STAC: variants seen among roughly 807,000 people sequenced by gnomAD.
The protein encoded by STAC is SH3 and cysteine-rich domain-containing protein.
STAC carries 43 observed loss-of-function variants against 48.8 expected under a neutral mutation model. The observed-to-expected ratio is 0.88, with a 90% CI of 0.69 to 1.14. STAC has a LOEUF of 1.14. STAC is among the 50% of genes most tolerant of loss of function. STAC has a pLI of 0.00. For synonymous variants in STAC, 193 were observed against 179.5 expected (o/e 1.07, Z -0.60); for missense variants, 497 against 504.0 (o/e 0.99, Z 0.13).
At chr3:36,475,285 G>A (rs1697462433) in intron 2 of STAC, among the ~76,000 whole-genome samples, 1 of 151,746 alleles carries the variant, frequency 6.6e-6, no homozygotes, top group Non-Finnish European at 1.5e-5. Flanking sequence ...ATTCTACTAT[G>A]GAGCATTGAC....
chr3:36,413,018 G>T (rs1033897728), intron 1 of STAC, among the ~76,000 whole-genome samples: 2 of 152,176 alleles, frequency 1.3e-5, no homozygotes. Context: ...GTTCTAGTTT[G>T]ATTGCACTGT....
At chr3:36,396,230 C>T (rs1458719766) in intron 1 of STAC, among the ~76,000 whole-genome samples, 1 of 151,990 alleles carries the variant, frequency 6.6e-6, no homozygotes, top group Non-Finnish European at 1.5e-5. Context: ...GTATACATGA[C>T]TTAGATATAC....
intron 1 of STAC, among the ~76,000 whole-genome samples, chr3:36,382,692 A>G (rs1356509435): frequency 1.3e-5 from 2 of 152,218 alleles, no homozygotes; most frequent in Non-Finnish European, 2.9e-5. Flanking sequence ...GCCCCTTAAA[A>G]AAGGCTAAAC....
chr3:36,384,541 C>G (rs900029861), intron 1 of STAC, among the ~76,000 whole-genome samples: 1 of 152,156 alleles, frequency 6.6e-6, no homozygotes, highest in Non-Finnish European at 1.5e-5. Context: ...CTGCTACCAC[C>G]AGCCAACCCC....
At chr3:36,537,903 C>T (rs568496133) in intron 10 of STAC, among the ~76,000 whole-genome samples, 1 of 151,458 alleles carries the variant, frequency 6.6e-6, no homozygotes, top group Non-Finnish European at 1.5e-5. Context: ...AGTTTTATTG[C>T]ACCTATAGAA....
intron 8 of STAC, among the ~76,000 whole-genome samples, chr3:36,523,445 T>C (rs532216290): frequency 6.6e-6 from 1 of 152,336 alleles, no homozygotes; most frequent in East Asian, 1.9e-4. Context: ...AGCAAAACCT[T>C]TACCTGAATG....
intron 2 of STAC, among the ~76,000 whole-genome samples, chr3:36,477,943 G>A (rs1697536101): frequency 1.3e-5 from 2 of 152,134 alleles, no homozygotes; most frequent in Admixed American, 1.3e-4. Flanking sequence ...TTTTGTGACA[G>A]TAGTTCATGA....
At chr3:36,538,743 G>A (rs1330183322) in intron 10 of STAC, among the ~76,000 whole-genome samples, 2 of 152,108 alleles carry the variant, frequency 1.3e-5, no homozygotes, top group African/African-American at 4.8e-5. Context: ...TTTCTGGATG[G>A]TTAAAGAGGC....
intron 1 of STAC, among the ~76,000 whole-genome samples, chr3:36,402,074 A>G (rs943315605): frequency 2.6e-5 from 4 of 152,186 alleles, no homozygotes; most frequent in African/African-American, 9.7e-5. Flanking sequence ...TTCTGACTCT[A>G]AGTCCCTGTT....
At position 36,395,024 on chromosome 3, in the gene STAC, T is replaced by G. The variant is rs538956906; in HGVS notation, c.111+14270T>G. The stretch of plus-strand genomic sequence containing the variant: ...GTTAATAGGAGAATCAAAAGATATA[T>G]AGATATATATATATATATATCAAAA... On this transcript the variant is annotated intron_variant, in intron 1 of 10. Coordinates refer to ENST00000273183, the MANE Select transcript of STAC (RefSeq NM_003149.3). Among the ~76,000 whole-genome samples, 18 of 100,438 alleles carry G rather than the reference T, an allele frequency of 1.8e-4. No individual in the cohort carries two copies. The East Asian group carries it at 4.2e-3, about 24-fold the overall frequency. The allele number at this position is 100,438 out of a possible 152,430, so 65.9% of individuals were successfully genotyped here.
intron 1 of STAC, among the ~76,000 whole-genome samples, chr3:36,439,351 C>G (rs975302010): frequency 2.0e-5 from 3 of 152,192 alleles, no homozygotes; most frequent in Non-Finnish European, 4.4e-5. Context: ...CATCCACCAT[C>G]CACTTATATC....
intron 6 of STAC, among the ~76,000 whole-genome samples, chr3:36,498,204 G>C (rs963553706): frequency 3.3e-5 from 5 of 152,228 alleles, no homozygotes; most frequent in African/African-American, 7.2e-5. Context: ...AAAGGAAAAA[G>C]AGACTATCAG....
At chr3:36,537,235 AATGC>A (rs754858629) in intron 10 of STAC, among the ~76,000 whole-genome samples, 131 of 152,186 alleles carry the variant, frequency 8.6e-4, no homozygotes, top group Non-Finnish European at 1.6e-3. Context: ...TATAAAGATA[AATGC>A]ATGCATATGT....
intron 2 of STAC, among the ~76,000 whole-genome samples, chr3:36,462,290 T>C (rs976064930): frequency 2.0e-5 from 3 of 150,780 alleles, no homozygotes; most frequent in Non-Finnish European, 4.4e-5. Flanking sequence ...GGAGTATGCA[T>C]TGGGGGAAAA....
At chr3:36,441,437 T>G (rs1223709724) in intron 1 of STAC, among the ~76,000 whole-genome samples, 1 of 152,222 alleles carries the variant, frequency 6.6e-6, no homozygotes, top group Non-Finnish European at 1.5e-5. Context: ...TTCTTTTTTA[T>G]GGCTGAATAG....
intron 1 of STAC, among the ~76,000 whole-genome samples, chr3:36,383,080 G>A (rs184010102): frequency 2.6e-5 from 4 of 152,236 alleles, no homozygotes. Context: ...AGACATAAAT[G>A]ATGAAAAGAA....
At chr3:36,383,366 A>G (rs1043418995) in intron 1 of STAC, among the ~76,000 whole-genome samples, 2 of 152,264 alleles carry the variant, frequency 1.3e-5, no homozygotes, top group African/African-American at 4.8e-5. Flanking sequence ...TAATATACAC[A>G]AAAGTAGAGA....
Position 36,493,239 on chromosome 3 carries a change from G to C in STAC, c.766+10G>C, listed in dbSNP as rs1421219679. Reference sequence around the variant, plus strand: ...AAACGCAGCAACAGCGGTGAGTGAGGGAGTTGGCACAGCACAAATGTGATC... The same window carrying C: ...AAACGCAGCAACAGCGGTGAGTGAGCGAGTTGGCACAGCACAAATGTGATC... On this transcript the variant is annotated intron_variant, in intron 6 of 10. Coordinates refer to ENST00000273183, the MANE Select transcript of STAC (RefSeq NM_003149.3). The C allele has an allele frequency of 1.2e-6, 2 of 1,612,470 alleles. No homozygotes were observed. Among genetic ancestry groups the C allele is most frequent in the East Asian group, 2.2e-5 (1 of 44,810 alleles).
intron 5 of STAC, among the ~76,000 whole-genome samples, chr3:36,490,493 G>C (rs1194091620): frequency 6.6e-6 from 1 of 152,216 alleles, no homozygotes; most frequent in Non-Finnish European, 1.5e-5. Context: ...ATGAGAGCCA[G>C]TAGGTCATCT....
Sources: allele counts gnomAD v4.1 joint callset (sites outside exome capture counted in the v4.1 genomes callset), GRCh38; gene constraint gnomAD v4.1.1; transcripts MANE v1.5; gene names NCBI Gene and HGNC (gene_info 2026-07-23, HGNC 2026-07-21).